Variants in PRDM16 observed in about 807,000 individuals in gnomAD.
PRDM16 encodes the protein histone-lysine N-methyltransferase PRDM16.
Under a neutral mutation model 110.6 loss-of-function variants are expected in PRDM16, and 23 were observed. That is an observed-to-expected ratio of 0.21 (90% confidence interval 0.15 to 0.29). The LOEUF is 0.29. Ranked by LOEUF, PRDM16 falls within the 10% of genes least tolerant of loss-of-function variation. PRDM16 has a pLI of 1.00. For missense variants in PRDM16, 1,615 were observed against 1,794.3 expected (o/e 0.90, Z 1.81); for synonymous variants, 799 against 781.8 (o/e 1.02, Z -0.37).
intron 1 of PRDM16, among the ~76,000 whole-genome samples, chr1:3,109,780 A>G (rs1242239704): frequency 6.6e-6 from 1 of 152,262 alleles, no homozygotes; most frequent in East Asian, 1.9e-4. Flanking sequence ...TTTCCCCCCA[A>G]ATATCACCTG....
intron 2 of PRDM16, among the ~76,000 whole-genome samples, chr1:3,192,013 C>T (rs1016586048): frequency 6.6e-6 from 1 of 152,156 alleles, no homozygotes; most frequent in African/African-American, 2.4e-5. Flanking sequence ...TGCAATGTGG[C>T]CAGGTCCACA....
intron 3 of PRDM16, among the ~76,000 whole-genome samples, chr1:3,363,961 C>T (rs1642763355): frequency 6.6e-6 from 1 of 151,256 alleles, no homozygotes; most frequent in Admixed American, 6.6e-5. Flanking sequence ...TTAAAGGCAG[C>T]GCCCCCCGCC....
chr1:3,162,182 C>T (rs1052035552), intron 1 of PRDM16, among the ~76,000 whole-genome samples: 4 of 152,162 alleles, frequency 2.6e-5, no homozygotes, highest in Non-Finnish European at 4.4e-5. Flanking sequence ...CGGGCCACTG[C>T]GGAACCATCA....
At chr1:3,334,518 G>T (rs1438206679) in intron 3 of PRDM16, among the ~76,000 whole-genome samples, 2 of 152,194 alleles carry the variant, frequency 1.3e-5, no homozygotes, top group Non-Finnish European at 2.9e-5. Context: ...GAGGTTCCTG[G>T]CTGGCCGCCA....
In PRDM16 at chr1:3,350,040, G is replaced by T. The variant is rs1222113407; in HGVS notation, c.439-35112G>T. Among the ~76,000 whole-genome samples, 1 of 152,242 alleles carries T rather than the reference G, an allele frequency of 6.6e-6. No individual in the cohort carries two copies. The highest frequency in any genetic ancestry group is 6.5e-5 in the Admixed American group (1 of 15,290). ...CTGTCTTTGAGGGGGGAAGAGGACAGGGCAGAAAAGACCTGGGGCCAGGTG... is the reference window on the plus strand; with the variant it reads ...CTGTCTTTGAGGGGGGAAGAGGACATGGCAGAAAAGACCTGGGGCCAGGTG... On this transcript the variant is annotated intron_variant, in intron 3 of 16. Coordinates refer to ENST00000270722, the MANE Select transcript of PRDM16 (RefSeq NM_022114.4). This position sits in a 1 kb window ranked among gnomAD's most constrained non-coding sequence, Gnocchi z 7.1.
intron 2 of PRDM16, among the ~76,000 whole-genome samples, chr1:3,230,785 C>T (rs541862834): frequency 6.6e-6 from 1 of 152,344 alleles, no homozygotes; most frequent in East Asian, 1.9e-4. Flanking sequence ...TTCCCCACAC[C>T]TGCCCGGTGC....
intron 2 of PRDM16, among the ~76,000 whole-genome samples, chr1:3,241,916 A>G (rs887129162): frequency 2.0e-5 from 3 of 152,102 alleles, no homozygotes; most frequent in Admixed American, 6.5e-5. Context: ...GGGTGGCTGG[A>G]GGGCTGTCAC....
chr1:3,108,978 A>G (rs1642725995), intron 1 of PRDM16, among the ~76,000 whole-genome samples: 1 of 151,562 alleles, frequency 6.6e-6, no homozygotes, highest in Admixed American at 6.6e-5. Flanking sequence ...GCTACTCAGG[A>G]GGCTGAGGTA....
intron 2 of PRDM16, among the ~76,000 whole-genome samples, chr1:3,195,262 G>T (rs866164390): frequency 6.6e-6 from 1 of 152,174 alleles, no homozygotes; most frequent in Admixed American, 6.5e-5. Context: ...CATGTCCCCC[G>T]GCACCGTGAC....
chr1:3,318,337 T>C (rs757761647), intron 3 of PRDM16, among the ~76,000 whole-genome samples: 20 of 152,352 alleles, frequency 1.3e-4, no homozygotes, highest in East Asian at 7.7e-4. Flanking sequence ...GTTGGTTGTT[T>C]TTCTTTTTTA....
At chr1:3,149,661 G>A (rs1448705404) in intron 1 of PRDM16, among the ~76,000 whole-genome samples, 1 of 152,236 alleles carries the variant, frequency 6.6e-6, no homozygotes, top group Non-Finnish European at 1.5e-5. Flanking sequence ...GCAGCCCCTG[G>A]CCCACAGTTA....
chr1:3,073,218 C>T (rs1005839100), intron 1 of PRDM16, among the ~76,000 whole-genome samples: 1 of 152,140 alleles, frequency 6.6e-6, no homozygotes, highest in Non-Finnish European at 1.5e-5. Flanking sequence ...GCCAGGGGCT[C>T]CCCCCACCGG....
At chr1:3,311,696 C>T (rs931701629) in intron 3 of PRDM16, among the ~76,000 whole-genome samples, 6 of 152,204 alleles carry the variant, frequency 3.9e-5, no homozygotes, top group Non-Finnish European at 5.9e-5. Context: ...TTCTGCCCGA[C>T]CCCGAAGGCA....
intron 1 of PRDM16, among the ~76,000 whole-genome samples, chr1:3,181,753 CACGGTCTTACACACAGTCTTACACAT>C (rs1644203460): frequency 7.4e-6 from 1 of 135,260 alleles, no homozygotes; most frequent in Admixed American, 7.6e-5. Context: ...GAGTCTTACA[CACGGTCTTACACACAGTCTTACACAT>C]GCAGTCTTAC....
intron 2 of PRDM16, among the ~76,000 whole-genome samples, chr1:3,188,553 A>G (rs1313342932): frequency 6.6e-6 from 1 of 152,192 alleles, no homozygotes. Flanking sequence ...GCTTTGTTCC[A>G]CGGTGGCCAC....
chr1:3,259,362 T>A (rs2100245601), intron 3 of PRDM16, among the ~76,000 whole-genome samples: 2 of 152,266 alleles, frequency 1.3e-5, no homozygotes, highest in Middle Eastern at 3.4e-3. Context: ...GCACCCTCCG[T>A]GTGCAAAGTC....
chr1:3,134,980 C>T (rs1643407290), intron 1 of PRDM16, among the ~76,000 whole-genome samples: 1 of 152,204 alleles, frequency 6.6e-6, no homozygotes, highest in Non-Finnish European at 1.5e-5. Context: ...AGCTGCCGGC[C>T]ACCCGCAGGC....
At chr1:3,413,226 T>C (rs959826009) in intron 9 of PRDM16, among the ~76,000 whole-genome samples, 112 of 147,650 alleles carry the variant, frequency 7.6e-4, no homozygotes, top group African/African-American at 2.7e-3. Flanking sequence ...CAGAGGGGCC[T>C]GGGCTGAGTG....
chr1:3,275,043 C>G (rs1277411796), intron 3 of PRDM16, among the ~76,000 whole-genome samples: 1 of 152,204 alleles, frequency 6.6e-6, no homozygotes, highest in Non-Finnish European at 1.5e-5. Flanking sequence ...CCCAGCCCAG[C>G]AGGAGCACGG....
Sources: gnomAD v4.1 joint callset for allele counts (sites outside exome capture counted in the v4.1 genomes callset) on GRCh38, gnomAD v4.1.1 for gene constraint, Gnocchi (gnomAD v3.1) non-coding constraint, MANE v1.5 for transcripts, NCBI Gene and HGNC (gene_info 2026-07-23, HGNC 2026-07-21) for gene names.